Variants in BDP1 observed in about 807,000 individuals in gnomAD.
BDP1 encodes the protein BDP1 general transcription factor IIIB subunit, also known as transcription factor TFIIIB component B'' homolog.
Under a neutral mutation model 266.6 loss-of-function variants are expected in BDP1, and 169 were observed. That is an observed-to-expected ratio of 0.63 (90% confidence interval 0.56 to 0.72). The LOEUF (loss-of-function observed/expected upper bound fraction) is 0.72, where lower values mean the gene tolerates loss of function less well. BDP1 is among the 30% of genes least tolerant of loss of function. BDP1 has a pLI of 0.00. For synonymous variants in BDP1, 1,090 were observed against 1,022.4 expected, an observed-to-expected ratio of 1.07 and a Z score of -1.26; for missense variants, 3,015 against 3,053.8, an observed-to-expected ratio of 0.99 and a Z score of 0.30.
At chr5:71,479,608 G>A (rs549720586) in intron 7 of BDP1, among the ~76,000 whole-genome samples, 5 of 151,076 alleles carry the variant, frequency 3.3e-5, no homozygotes, top group East Asian at 2.0e-4. Flanking sequence ...GTGCAGTGGC[G>A]CAATCTTGGC....
intron 25 of BDP1, among the ~76,000 whole-genome samples, chr5:71,525,814 C>A (rs370075293): frequency 6.6e-6 from 1 of 151,860 alleles, no homozygotes; most frequent in Admixed American, 6.6e-5. Context: ...GGCTGCTGGG[C>A]GGAGGGGCTC....
chr5:71,547,572 G>A (rs1203273846), intron 32 of BDP1, among the ~76,000 whole-genome samples: 2 of 152,138 alleles, frequency 1.3e-5, no homozygotes, highest in African/African-American at 4.8e-5. Flanking sequence ...AACGCAGCAA[G>A]CTGTTACCCT....
rs1742970931 is a variant in BDP1, at chr5:71,553,138, G to A, written c.7018G>A (p.Val2340Ile). ...DMSICLPATS[V>I]GQDAMGLSIS... is the part of the protein sequence containing the mutation. The stretch of plus-strand genomic sequence containing the variant: ...CAGTATTTGTTTACCAGCAACTTCA[G>A]TTGGTCAAGATGCCATGGGTTTATC... The change falls in exon 35 of 39, where the codon GTT (valine) becomes ATT (isoleucine). Residue 2340 changes from valine (V) to isoleucine (I), a missense_variant. By Grantham distance (29) the Val-to-Ile change is conservative. Coordinates refer to ENST00000358731, the MANE Select transcript of BDP1 (RefSeq NM_018429.3). The A allele has an allele frequency of 6.2e-7, 1 of 1,612,224 alleles. No homozygotes were observed. The highest frequency in any genetic ancestry group is 1.9e-4 in the Middle Eastern group (1 of 5,234).
Position 71,549,516 on chromosome 5 carries a change from C to T in BDP1, c.6905C>T (p.Thr2302Ile). 2 of 1,614,094 alleles carry T rather than the reference C, an allele frequency of 1.2e-6. No homozygotes were observed. The highest frequency in any genetic ancestry group is 8.5e-7 in the Non-Finnish European group (1 of 1,179,974). The change falls in exon 34 of 39, where the codon ACT becomes ATT. Residue 2302 changes from threonine (T) to isoleucine (I), a missense_variant. Physicochemically the swap from Thr to Ile is moderately conservative, Grantham distance 89 (BLOSUM62 -1). Coordinates refer to ENST00000358731, the MANE Select transcript of BDP1 (RefSeq NM_018429.3). ...CCAGCCAATGCAGTAGAAGAATTTA[C>T]TGATGCCACTGCACAGTTCATGCCA... The part of the protein sequence containing the change: ...EIPANAVEEF[T>I]DATAQFMPNP...
In BDP1 at chr5:71,486,587, A is replaced by G; in HGVS notation, c.1173A>G (p.Leu391=). 1 of 1,534,750 alleles carries G rather than the reference A, an allele frequency of 6.5e-7. No individual in the cohort carries two copies. The highest frequency in any genetic ancestry group is 8.7e-7 in the Non-Finnish European group (1 of 1,154,304). The stretch of plus-strand genomic sequence containing the variant: ...AAAAATCTGTTAAAAATCACAGTTT[A>G]AAGGAGAAGAAATCCACCAAACCAC... ...RKQKSVKNHS[L]KEKKSTKPRK... The change falls in exon 9 of 39, where the codon TTA becomes TTG. Residue 391 remains leucine (L), a synonymous_variant. Coordinates refer to ENST00000358731, the MANE Select transcript of BDP1 (RefSeq NM_018429.3).
chr5:71,558,971 T>C (rs1447472407), intron 36 of BDP1, among the ~76,000 whole-genome samples: 5 of 151,984 alleles, frequency 3.3e-5, no homozygotes, highest in African/African-American at 1.2e-4. Context: ...CTGGACAACA[T>C]GGTGAAACAC....
chr5:71,551,695 G>A (rs1232692233), intron 34 of BDP1, among the ~76,000 whole-genome samples: 1 of 151,840 alleles, frequency 6.6e-6, no homozygotes, highest in Non-Finnish European at 1.5e-5. Flanking sequence ...GCCGGGCAGA[G>A]GCGCCCCTCA....
At chr5:71,572,581 G>A (rs1744303653), downstream of BDP1, among the ~76,000 whole-genome samples, 1 of 152,202 alleles carries the variant, frequency 6.6e-6, no homozygotes, top group African/African-American at 2.4e-5. Context: ...GGGTAACATG[G>A]AGCAGAATTT....
intron 8 of BDP1, 138 bp downstream of exon 8, chr5:71,484,034 C>T: frequency 1.5e-6 from 1 of 689,020 alleles, no homozygotes. Flanking sequence ...TGAAATTTTT[C>T]TGTTTAGCAG....
At chr5:71,489,104 CTG>C (rs374617942) in intron 9 of BDP1, among the ~76,000 whole-genome samples, 46 of 152,232 alleles carry the variant, frequency 3.0e-4, no homozygotes, top group African/African-American at 1.1e-3. Flanking sequence ...CTATATGTAA[CTG>C]TTTTTGTTTA....
Position 71,510,062 on chromosome 5 carries a change from A to G in BDP1, c.2970A>G (p.Arg990=). Reference sequence around the variant, plus strand: ...AAAATTTGGAAGAAACTGGAAGAAGAAAAATATCCCCAAGGGAAAATGGCC... The same window carrying G: ...AAAATTTGGAAGAAACTGGAAGAAGGAAAATATCCCCAAGGGAAAATGGCC... ...IDKNLEETGR[R]KISPRENGPE... The change falls in exon 17 of 39, where the codon AGA becomes AGG. Residue 990 remains arginine, a synonymous_variant. Transcript: ENST00000358731. 7 of 1,613,892 alleles carry G rather than the reference A, an allele frequency of 4.3e-6. No homozygotes were observed. The highest frequency in any genetic ancestry group is 5.9e-6 in the Non-Finnish European group (7 of 1,179,978).
At position 71,547,164 on chromosome 5, in the gene BDP1, T is replaced by A. The variant is rs181492681; in HGVS notation, c.6745-1518T>A. ...CACCACGCCTGGCCAGCTTTTTTTT[T>A]ATTTTTCTTAAATTCAAGATCCAAT... On this transcript the variant is annotated intron_variant, in intron 32 of 38. Transcript: ENST00000358731. Among the ~76,000 whole-genome samples the A allele has an allele frequency of 2.8e-3, 429 of 151,162 alleles. 3 individuals are homozygous for A. Among genetic ancestry groups the A allele is most frequent in the African/African-American group, 9.9e-3 (411 of 41,466 alleles).
intron 8 of BDP1, among the ~76,000 whole-genome samples, chr5:71,485,943 T>C (rs1763236216): frequency 6.6e-6 from 1 of 152,192 alleles, no homozygotes; most frequent in Non-Finnish European, 1.5e-5. Context: ...CCCCAAACAA[T>C]AGAGGAAATG....
At chr5:71,568,654 A>G (rs1744162736), downstream of BDP1, among the ~76,000 whole-genome samples, 1 of 152,212 alleles carries the variant, frequency 6.6e-6, no homozygotes, top group African/African-American at 2.4e-5. Context: ...TCAGACCACT[A>G]GACCCTTAGG....
chr5:71,489,941 A>G (rs1442846685), intron 10 of BDP1, among the ~76,000 whole-genome samples: 2 of 152,222 alleles, frequency 1.3e-5, no homozygotes, highest in African/African-American at 4.8e-5. Flanking sequence ...CCCATTAACT[A>G]TGATTAGAAA....
intron 36 of BDP1, 146 bp from the exon 37 acceptor site, chr5:71,559,836 C>T (rs1161754530): frequency 5.4e-6 from 4 of 737,488 alleles, no homozygotes; most frequent in African/African-American, 1.8e-5. Flanking sequence ...CTTAATAATC[C>T]AAGTAACTCC....
rs1168092217 is a variant in BDP1 at position 71,564,693 on chromosome 5, CAT to C, written c.7744-51_7744-50del. On this transcript the variant is annotated intron_variant, in intron 38 of 38. Coordinates refer to ENST00000358731, the MANE Select transcript of BDP1 (RefSeq NM_018429.3). Reference sequence around the variant, plus strand: ...GTTTAGACTGCTATATATACACACACATATATATATAAATGTTGTATTACAGT... The same window carrying C: ...GTTTAGACTGCTATATATACACACACATATATATAAATGTTGTATTACAGT... 58 of 1,339,408 alleles carry C rather than the reference CAT, an allele frequency of 4.3e-5. No homozygotes were observed. The East Asian group carries it at 8.7e-4, about 20-fold the overall frequency. The allele number at this position is 1,339,408 out of a possible 1,614,324, so 83.0% of individuals were successfully genotyped here.
intron 30 of BDP1, among the ~76,000 whole-genome samples, chr5:71,543,710 A>G (rs1301408200): frequency 6.6e-6 from 1 of 152,240 alleles, no homozygotes; most frequent in Non-Finnish European, 1.5e-5. Context: ...AATGGTGGGC[A>G]ACCCCAACTA....
chr5:71,505,218 G>A (rs1764513133), intron 16 of BDP1, among the ~76,000 whole-genome samples: 1 of 152,066 alleles, frequency 6.6e-6, no homozygotes, highest in African/African-American at 2.4e-5. Flanking sequence ...TGTTGGCCAG[G>A]CTGGTCTCGA....
Sources: allele counts gnomAD v4.1 joint callset (sites outside exome capture counted in the v4.1 genomes callset), GRCh38; gene constraint gnomAD v4.1.1; transcripts MANE v1.5; gene names NCBI Gene and HGNC (gene_info 2026-07-23, HGNC 2026-07-21).